IPO8: variants seen among roughly 807,000 people sequenced by gnomAD.
IPO8 encodes importin 8, also known as importin-8.
A neutral mutation model predicts 141.2 loss-of-function variants in IPO8; 65 were observed. The observed-to-expected ratio is 0.46, with a 90% CI of 0.38 to 0.57. The LOEUF (loss-of-function observed/expected upper bound fraction) is 0.57. Ranked by LOEUF, IPO8 falls within the 20% of genes least tolerant of loss-of-function variation. The probability of loss-of-function intolerance (pLI) is 0.00; values close to 1 mark genes in which losing one functional copy is unlikely to be tolerated. For synonymous variants in IPO8, 411 were observed against 420.3 expected (o/e 0.98, Z 0.27); for missense variants, 980 against 1,246.8 (o/e 0.79, Z 3.22).
intron 16 of IPO8, among the ~76,000 whole-genome samples, chr12:30,659,459 AGAGCAAGACTTGTCTCT>A (rs896818133): frequency 2.7e-5 from 4 of 150,306 alleles, no homozygotes; most frequent in South Asian, 4.2e-4. Context: ...CCTGGGCAAC[AGAGCAAGACTTGTCTCT>A]GAGCAAGACT....
chr12:30,690,504 C>T lies in IPO8; in HGVS notation c.158G>A (p.Arg53Gln), dbSNP rs774771126. 20 of 1,588,460 alleles carry T rather than the reference C, an allele frequency of 1.3e-5. No homozygotes were observed. Among genetic ancestry groups the T allele is most frequent in the Admixed American group, 1.8e-5 (1 of 56,988 alleles). ...ATAAAAAACCAACTCACCTGCCTGT[C>T]GTACTGGGAATTCCACATGGTCAGA... is the stretch of plus-strand genomic sequence containing the variant. ...IVSDHVEFPV[R>Q]QAAAIYLKNM... The change falls in exon 2 of 25, where the codon CGA becomes CAA. Residue 53 changes from arginine (R) to glutamine (Q), a missense_variant. Arg to Gln is a conservative substitution (Grantham distance 43). Around this residue, in one of 3 missense-constraint regions of IPO8, gnomAD observed 16 missense variants for 46.6 expected, o/e 0.34. Coordinates refer to ENST00000256079, the MANE Select transcript of IPO8 (RefSeq NM_006390.4).
At chr12:30,688,847 T>C (rs1185373825) in intron 2 of IPO8, 1 of 152,644 alleles carries the variant, frequency 6.6e-6, no homozygotes, top group Non-Finnish European at 1.5e-5. Flanking sequence ...GCCAAGCATT[T>C]CCCCTTGTTA....
chr12:30,658,272 T>G (rs2052829097), intron 16 of IPO8, among the ~76,000 whole-genome samples: 1 of 152,250 alleles, frequency 6.6e-6, no homozygotes, highest in South Asian at 2.1e-4. Context: ...TGTCAGTGTT[T>G]CATAAATGTG....
chr12:30,634,381 T>A (rs1031055433), intron 22 of IPO8, 95 bp from the exon 23 acceptor site: 1 of 940,048 alleles, frequency 1.1e-6, no homozygotes, highest in East Asian at 2.5e-5. Flanking sequence ...AACTACACTC[T>A]GGAAAGGAAA....
rs746227592 is a variant in IPO8, at chr12:30,630,902, G to T, written c.3072C>A (p.Val1024=). ...QGGFTFENKG[V]LSAFNFGTVP... is the part of the protein sequence containing the mutation. ...CAGTCCCAAAATTAAATGCGGAGAG[G>T]ACTCCTTTGTTTTCAAAGGTGAAGC... The change falls in exon 25 of 25, where the codon GTC becomes GTA. Residue 1024 remains valine, a synonymous_variant. Transcript: ENST00000256079. The T allele has an allele frequency of 1.8e-5, 29 of 1,613,588 alleles. No individual in the cohort carries two copies. The highest frequency in any genetic ancestry group is 2.2e-5 in the Non-Finnish European group (26 of 1,179,938).
chr12:30,660,280 G>A (rs549373423), intron 16 of IPO8, among the ~76,000 whole-genome samples: 1 of 152,300 alleles, frequency 6.6e-6, no homozygotes, highest in Non-Finnish European at 1.5e-5. Flanking sequence ...TGCTCACCTT[G>A]TAAAACAATA....
chr12:30,631,395 T>G (rs1220487033), intron 24 of IPO8, among the ~76,000 whole-genome samples: 1 of 152,154 alleles, frequency 6.6e-6, no homozygotes, highest in Non-Finnish European at 1.5e-5. Flanking sequence ...CCAATGACAA[T>G]CTACAAGTAA....
At chr12:30,668,155 T>A (rs1249064220) in intron 10 of IPO8, among the ~76,000 whole-genome samples, 1 of 152,136 alleles carries the variant, frequency 6.6e-6, no homozygotes, top group Non-Finnish European at 1.5e-5. Context: ...AAGTTACACA[T>A]ATGAATAATG....
intron 2 of IPO8, among the ~76,000 whole-genome samples, chr12:30,688,100 A>G (rs1428159622): frequency 6.6e-6 from 1 of 152,134 alleles, no homozygotes; most frequent in Non-Finnish European, 1.5e-5. Context: ...AAATTTTACT[A>G]AAGAGTCTCT....
At chr12:30,651,973 A>G (rs1231850044) in intron 19 of IPO8, among the ~76,000 whole-genome samples, 2 of 152,136 alleles carry the variant, frequency 1.3e-5, no homozygotes, top group African/African-American at 4.8e-5. Context: ...CAAAAAGTAA[A>G]AAGTACAGAT....
intron 14 of IPO8, 53 bp from the exon 15 acceptor site, chr12:30,662,540 A>C: frequency 7.1e-7 from 1 of 1,417,774 alleles, no homozygotes; most frequent in Non-Finnish European, 9.8e-7. Context: ...CCAGATGATA[A>C]AAGGAATTAA....
chr12:30,680,554 G>A lies in IPO8; in HGVS notation c.567C>T (p.Leu189=). The part of the protein sequence containing the change: ...LPRIQQQIVQ[L]LPDSSYYSVL... Reference sequence around the variant, plus strand: ...CAGAATAATAGGAGGAATCAGGAAGGAGCTGAACAATTTGTTGCTGAATAC... The same window carrying A: ...CAGAATAATAGGAGGAATCAGGAAGAAGCTGAACAATTTGTTGCTGAATAC... Residue 189 remains leucine (L), a synonymous_variant, in exon 5 of 25, where the codon CTC becomes CTT. Transcript: ENST00000256079. 1 of 1,612,464 alleles carries A rather than the reference G, an allele frequency of 6.2e-7. No individual in the cohort carries two copies. The highest frequency in any genetic ancestry group is 8.5e-7 in the Non-Finnish European group (1 of 1,178,884).
chr12:30,695,641 G>A lies in IPO8; in HGVS notation c.7C>T (p.Leu3Phe). 2 of 1,613,898 alleles carry A rather than the reference G, an allele frequency of 1.2e-6. No homozygotes were observed. The highest frequency in any genetic ancestry group is 1.1e-5 in the South Asian group (1 of 91,080). Residue 3 changes from leucine to phenylalanine, a missense_variant, in exon 1 of 25, where the codon CTC becomes TTC. By Grantham distance (22) the Leu-to-Phe change is conservative. This residue lies in a region of IPO8 where 40 missense variants were observed against 46.3 expected (regional missense o/e 0.86). Transcript: ENST00000256079. This position sits in a 1 kb window ranked among gnomAD's most constrained non-coding sequence, Gnocchi z 4.2. ...TTCAGCGCCTGGATGATCCGGTTGA[G>A]GTCCATCTCCCCGGGTGGGGGCTCC... MDLNRIIQALKGT... is the reference protein window; with the variant it reads MDFNRIIQALKGT...
chr12:30,636,912 T>C, intron 22 of IPO8, 70 bp downstream of exon 22: 1 of 1,199,856 alleles, frequency 8.3e-7, no homozygotes, highest in Non-Finnish European at 1.2e-6. Flanking sequence ...CCATATAGAC[T>C]AGTATTCATA....
At chr12:30,647,571 C>T (rs1210707566) in intron 20 of IPO8, among the ~76,000 whole-genome samples, 1 of 136,052 alleles carries the variant, frequency 7.4e-6, no homozygotes, top group East Asian at 2.2e-4. Context: ...TGCCACTGCA[C>T]TCCAGCCCAG....
chr12:30,675,021 T>C (rs113350018), intron 6 of IPO8, among the ~76,000 whole-genome samples: 85 of 152,294 alleles, frequency 5.6e-4, no homozygotes, highest in African/African-American at 2.0e-3. Flanking sequence ...CATGGTTCCT[T>C]CAGGACACTC....
At chr12:30,681,565 C>G in intron 4 of IPO8, 94 bp downstream of exon 4, 2 of 1,124,138 alleles carry the variant, frequency 1.8e-6, no homozygotes, top group Non-Finnish European at 2.5e-6. Flanking sequence ...ATCTGATAAC[C>G]TGTGCAGAAC....
chr12:30,649,191 T>G lies in IPO8; in HGVS notation c.2214A>C (p.Ala738=), dbSNP rs1233787666. ...GDAGEDAECH[A]AKLLEVIILQ... ...GAATGATGACTTCCAGAAGTTTAGC[T>G]GCATGACACTCTGCATCTTCTCCTG... The change falls in exon 20 of 25, where the codon GCA becomes GCC. Residue 738 remains alanine, a synonymous_variant. Transcript: ENST00000256079. 6.2e-7 allele frequency: 1 copy of G among 1,613,296 alleles called. No individual in the cohort carries two copies. The highest frequency in any genetic ancestry group is 8.5e-7 in the Non-Finnish European group (1 of 1,179,520).
chr12:30,684,493 A>G, intron 2 of IPO8, 36 bp from the exon 3 acceptor site: 2 of 1,601,698 alleles, frequency 1.2e-6, no homozygotes, highest in Non-Finnish European at 1.7e-6. Flanking sequence ...TAGCAGTACC[A>G]AAAAGGATGG....
Sources: allele counts gnomAD v4.1 joint callset (sites outside exome capture counted in the v4.1 genomes callset), GRCh38; gene constraint gnomAD v4.1.1; regional missense constraint gnomAD v4.1.1; non-coding constraint Gnocchi (gnomAD v3.1); transcripts MANE v1.5; gene names NCBI Gene and HGNC (gene_info 2026-07-23, HGNC 2026-07-21).